The following SQOR variants were observed in gnomAD, a reference collection of about 807,000 sequenced individuals.
SQOR encodes sulfide:quinone oxidoreductase, mitochondrial.
In SQOR, 39 loss-of-function variants were observed where a neutral mutation model predicts 48.6. The observed-to-expected ratio is 0.80, with a 90% confidence interval of 0.62 to 1.05. The LOEUF (loss-of-function observed/expected upper bound fraction) is 1.05, where lower values mean the gene tolerates loss of function less well. Among genes scored for constraint, SQOR ranks in the 50% least tolerant of loss-of-function variants. The probability of loss-of-function intolerance (pLI) is 0.00; values close to 1 mark genes in which losing one functional copy is unlikely to be tolerated. For synonymous variants in SQOR, 220 were observed against 206.2 expected, an observed-to-expected ratio of 1.07 and a Z score of -0.57; for missense variants, 561 against 559.9, an observed-to-expected ratio of 1.00 and a Z score of -0.02.
chr15:45,661,056 C>G (rs1361758444), intron 2 of SQOR, among the ~76,000 whole-genome samples: 1 of 152,022 alleles, frequency 6.6e-6, no homozygotes, highest in Non-Finnish European at 1.5e-5. Flanking sequence ...CTGAGGAAGG[C>G]AGATCACCTG....
chr15:45,649,973 C>G (rs1264279381), intron 1 of SQOR, among the ~76,000 whole-genome samples: 4 of 151,720 alleles, frequency 2.6e-5, no homozygotes, highest in African/African-American at 7.3e-5. Context: ...CTCCCAAGTA[C>G]CTGGGATTAC....
intron 1 of SQOR, among the ~76,000 whole-genome samples, chr15:45,655,394 G>C (rs1400325455): frequency 1.3e-5 from 2 of 152,144 alleles, no homozygotes; most frequent in African/African-American, 4.8e-5. Context: ...TGGACATTTA[G>C]AAAGAAAAGC....
chr15:45,668,459 A>G (rs1889878252), intron 3 of SQOR, among the ~76,000 whole-genome samples: 1 of 152,348 alleles, frequency 6.6e-6, no homozygotes, highest in South Asian at 2.1e-4. Flanking sequence ...AGGAGTGGTC[A>G]GTGTGCTGGG....
Position 45,647,585 on chromosome 15 carries a change from C to T in SQOR, c.-17-11322C>T, listed in dbSNP as rs562076874. Among the ~76,000 whole-genome samples the T allele has an allele frequency of 2.1e-3, 323 of 151,972 alleles. 2 individuals are homozygous for T. Among genetic ancestry groups the T allele is most frequent in the Non-Finnish European group, 1.3e-3 (91 of 68,002 alleles). ...CAAGCAGTGCGCCCGCCTTGGCCTC[C>T]CAAAGTGCTGGGATTATTTTATTTT... On this transcript the variant is annotated intron_variant, in intron 1 of 9. Transcript: ENST00000260324.
chr15:45,639,047 G>C (rs1353525259), intron 1 of SQOR, among the ~76,000 whole-genome samples: 4 of 152,060 alleles, frequency 2.6e-5, no homozygotes, highest in Admixed American at 2.6e-4. Context: ...TAATACAACT[G>C]GTTCTACCAA....
chr15:45,631,247 T>A (rs1191748906), upstream of SQOR: 2 of 155,840 alleles, frequency 1.3e-5, no homozygotes, highest in African/African-American at 4.8e-5. Flanking sequence ...CCAATTAAAC[T>A]TCTTTTTCTT....
At chr15:45,651,720 G>A (rs1375062606) in intron 1 of SQOR, among the ~76,000 whole-genome samples, 1 of 151,710 alleles carries the variant, frequency 6.6e-6, no homozygotes, top group Non-Finnish European at 1.5e-5. Flanking sequence ...CCTCCCACCT[G>A]GGCCTCCCAA....
intron 3 of SQOR, among the ~76,000 whole-genome samples, chr15:45,665,496 G>A (rs1038486027): frequency 2.6e-5 from 4 of 151,788 alleles, no homozygotes; most frequent in African/African-American, 9.7e-5. Context: ...TCTGTAACAT[G>A]TCACTAGAGA....
At chr15:45,652,518 AG>A (rs1248455766) in intron 1 of SQOR, among the ~76,000 whole-genome samples, 11 of 150,482 alleles carry the variant, frequency 7.3e-5, no homozygotes, top group African/African-American at 2.4e-4. Context: ...ACTTTTTTCT[AG>A]TTTTTGTAGA....
At chr15:45,664,126 T>C (rs1405597441) in intron 3 of SQOR, among the ~76,000 whole-genome samples, 2 of 152,202 alleles carry the variant, frequency 1.3e-5, no homozygotes, top group South Asian at 2.1e-4. Context: ...TAGGTTGGTA[T>C]TTACATAGTC....
chr15:45,673,904 G>C (rs1174520608), intron 5 of SQOR, 103 bp downstream of exon 5: 2 of 1,140,956 alleles, frequency 1.8e-6, no homozygotes, highest in South Asian at 1.5e-5. Context: ...TTTTTATCTC[G>C]GAATTTTTAT....
intron 5 of SQOR, 139 bp from the exon 6 acceptor site, chr15:45,675,962 A>G (rs1890028342): frequency 2.6e-6 from 2 of 767,442 alleles, no homozygotes; most frequent in Non-Finnish European, 4.3e-6. Context: ...GGATTGGTCT[A>G]CCCATTGCTC....
intron 1 of SQOR, among the ~76,000 whole-genome samples, chr15:45,636,595 G>T (rs1895011078): frequency 6.6e-6 from 1 of 151,878 alleles, no homozygotes; most frequent in South Asian, 2.1e-4. Flanking sequence ...GTAGAGACAG[G>T]ATTTCACCAT....
intron 8 of SQOR, among the ~76,000 whole-genome samples, 154 bp from the exon 9 acceptor site, chr15:45,688,885 G>A (rs1890270132): frequency 6.6e-6 from 1 of 151,408 alleles, no homozygotes; most frequent in Non-Finnish European, 1.5e-5. Context: ...TATTTTTTTT[G>A]TAATATAATT....
At chr15:45,650,336 A>G (rs747248169) in intron 1 of SQOR, among the ~76,000 whole-genome samples, 1 of 152,118 alleles carries the variant, frequency 6.6e-6, no homozygotes, top group Non-Finnish European at 1.5e-5. Flanking sequence ...TACAGTTCTT[A>G]AAGGCGGCGT....
At chr15:45,638,141 A>C (rs1895039115) in intron 1 of SQOR, among the ~76,000 whole-genome samples, 1 of 152,254 alleles carries the variant, frequency 6.6e-6, no homozygotes, top group Non-Finnish European at 1.5e-5. Flanking sequence ...TTTGTGGAAA[A>C]AAACAAAACA....
At chr15:45,661,289 T>TAGGA (rs777334925) in intron 2 of SQOR, among the ~76,000 whole-genome samples, 1 of 84,376 alleles carries the variant, frequency 1.2e-5, no homozygotes, top group Non-Finnish European at 2.3e-5. Context: ...AGACTCTGTC[T>TAGGA]TAAAAAAAAA....
intron 2 of SQOR, among the ~76,000 whole-genome samples, chr15:45,660,683 G>A (rs1048073737): frequency 6.6e-6 from 1 of 152,152 alleles, no homozygotes; most frequent in African/African-American, 2.4e-5. Context: ...ATCTGAGCTT[G>A]TATTTTTGCT....
chr15:45,669,279 C>G (rs1315473658), intron 3 of SQOR, among the ~76,000 whole-genome samples: 1 of 151,874 alleles, frequency 6.6e-6, no homozygotes. Flanking sequence ...AAGCGATTCT[C>G]CCACTTCAGC....
Sources: allele counts gnomAD v4.1 joint callset (sites outside exome capture counted in the v4.1 genomes callset), GRCh38; gene constraint gnomAD v4.1.1; transcripts MANE v1.5; gene names NCBI Gene and HGNC (gene_info 2026-07-23, HGNC 2026-07-21).